GRIK3: variants seen among roughly 807,000 people sequenced by gnomAD.
The protein encoded by GRIK3 is glutamate ionotropic receptor kainate type subunit 3.
Under a neutral mutation model 102.5 loss-of-function variants are expected in GRIK3, and 29 were observed. The observed-to-expected ratio is 0.28, with a 90% CI of 0.21 to 0.39. GRIK3 has a LOEUF of 0.39. GRIK3 is among the 10% of genes least tolerant of loss of function. GRIK3 has a pLI of 1.00. For synonymous variants in GRIK3, 511 were observed against 504.9 expected (o/e 1.01, Z -0.16); for missense variants, 908 against 1,252.4 (o/e 0.73, Z 4.15).
chr1:37,022,656 T>C (rs1479696949), intron 1 of GRIK3, among the ~76,000 whole-genome samples: 1 of 152,236 alleles, frequency 6.6e-6, no homozygotes, highest in African/African-American at 2.4e-5. Flanking sequence ...TGGAAGAATC[T>C]AACAACATCC....
intron 1 of GRIK3, among the ~76,000 whole-genome samples, chr1:36,901,655 C>G (rs147505866): frequency 2.8e-4 from 43 of 152,308 alleles, no homozygotes; most frequent in African/African-American, 1.0e-3. Context: ...CCACTAAAAT[C>G]AGGTACAAGG....
intron 2 of GRIK3, among the ~76,000 whole-genome samples, chr1:36,886,331 C>T (rs556317221): frequency 2.8e-4 from 42 of 152,212 alleles, no homozygotes; most frequent in African/African-American, 1.0e-3. Context: ...AAAGCAATGA[C>T]GAGGACTTCT....
In GRIK3 at chr1:36,956,731, G is replaced by A. The variant is rs576378785; in HGVS notation, c.116-65635C>T. Among the ~76,000 whole-genome samples, 7 of 152,386 alleles carry A rather than the reference G, an allele frequency of 4.6e-5. No homozygotes were observed. In the East Asian group the frequency reaches 1.2e-3, roughly 25 times the overall value. ...GAAATGAGACAAAGGCAGTGGGGAA[G>A]TATGAAGCCAGACTGGCCCCGGGCC... On this transcript the variant is annotated intron_variant, in intron 1 of 15. Coordinates refer to ENST00000373091, the MANE Select transcript of GRIK3 (RefSeq NM_000831.4).
In GRIK3 at chr1:36,879,983, A is replaced by C. The variant is rs147766156; in HGVS notation, c.550+651T>G. Among the ~76,000 whole-genome samples, 1,165 of 152,164 alleles carry C rather than the reference A, an allele frequency of 7.7e-3. 9 individuals carry two copies. Among genetic ancestry groups the C allele is most frequent in the Non-Finnish European group, 0.013 (885 of 67,980 alleles). Reference sequence around the variant, plus strand: ...GGGCACGTGCAGGTGTCTGTGTGTGAGTGTGGGTAGAGAAGAGTGTGTGTG... The same window carrying C: ...GGGCACGTGCAGGTGTCTGTGTGTGCGTGTGGGTAGAGAAGAGTGTGTGTG... On this transcript the variant is annotated intron_variant, in intron 3 of 15. Transcript: ENST00000373091.
intron 2 of GRIK3, among the ~76,000 whole-genome samples, chr1:36,884,821 T>C (rs1342787805): frequency 6.6e-6 from 1 of 152,220 alleles, no homozygotes; most frequent in Non-Finnish European, 1.5e-5. Flanking sequence ...ATTTCCTTCA[T>C]TGATTGATGC....
At chr1:36,896,362 G>T (rs1641172309) in intron 1 of GRIK3, among the ~76,000 whole-genome samples, 1 of 152,090 alleles carries the variant, frequency 6.6e-6, no homozygotes, top group Non-Finnish European at 1.5e-5. Context: ...ATGATATAAG[G>T]ATGGGAGGGA....
intron 1 of GRIK3, among the ~76,000 whole-genome samples, chr1:36,936,325 G>C (rs1376989378): frequency 6.6e-6 from 1 of 152,204 alleles, no homozygotes; most frequent in Non-Finnish European, 1.5e-5. Context: ...AGAGTCACTA[G>C]GAAGAGATGG....
At chr1:36,884,930 G>A (rs535532739) in intron 2 of GRIK3, among the ~76,000 whole-genome samples, 1 of 152,334 alleles carries the variant, frequency 6.6e-6, no homozygotes, top group East Asian at 1.9e-4. Context: ...TTGGACCAAG[G>A]CAAGGGAGAG....
Position 36,806,861 on chromosome 1 carries a change from C to A in GRIK3, c.2092-535G>T, listed in dbSNP as rs1188587144. Among the ~76,000 whole-genome samples the A allele has an allele frequency of 6.6e-6, 1 of 152,178 alleles. No individual in the cohort carries two copies. Among genetic ancestry groups the A allele is most frequent in the African/African-American group, 2.4e-5 (1 of 41,448 alleles). On this transcript the variant is annotated intron_variant, in intron 13 of 15. Transcript: ENST00000373091. The surrounding 1 kb of genome is among the most constrained non-coding windows in gnomAD (Gnocchi z 4.0). ...GTCCATACCCCTAACCCCTCAGCTG[C>A]CCTGCCTCACAGAAACCACTGTGAG...
At chr1:37,010,393 C>T (rs1019816901) in intron 1 of GRIK3, among the ~76,000 whole-genome samples, 2 of 152,136 alleles carry the variant, frequency 1.3e-5, no homozygotes, top group Non-Finnish European at 2.9e-5. Context: ...TTCTGTTCAC[C>T]AGGCCTCTTA....
At chr1:37,002,805 T>C (rs1411584969) in intron 1 of GRIK3, among the ~76,000 whole-genome samples, 1 of 151,630 alleles carries the variant, frequency 6.6e-6, no homozygotes, top group Non-Finnish European at 1.5e-5. Flanking sequence ...CATGCCCAGC[T>C]AATGTTGGTA....
intron 1 of GRIK3, among the ~76,000 whole-genome samples, chr1:37,028,347 G>C (rs1433974279): frequency 3.9e-5 from 6 of 152,026 alleles, no homozygotes; most frequent in Admixed American, 3.3e-4. Context: ...CTCACCCAAG[G>C]GTGAGTCCGT....
chr1:36,990,709 G>C (rs1254530080), intron 1 of GRIK3, among the ~76,000 whole-genome samples: 1 of 152,170 alleles, frequency 6.6e-6, no homozygotes, highest in African/African-American at 2.4e-5. Context: ...GGTGACTATA[G>C]ATGCAGTCAC....
At chr1:36,957,455 G>GAGCCTGTGTGCCCCA (rs1641929310) in intron 1 of GRIK3, among the ~76,000 whole-genome samples, 3 of 31,568 alleles carry the variant, frequency 9.5e-5, no homozygotes, top group Admixed American at 4.3e-4. Flanking sequence ...TCTGTGCCCT[G>GAGCCTGTGTGCCCCA]TGAGCCTATG....
chr1:36,895,571 T>C (rs1308280827), intron 1 of GRIK3, among the ~76,000 whole-genome samples: 1 of 151,910 alleles, frequency 6.6e-6, no homozygotes, highest in Non-Finnish European at 1.5e-5. Context: ...GATATCTCAA[T>C]AGAAACTTCC....
chr1:36,957,900 T>G (rs1290805367), intron 1 of GRIK3, among the ~76,000 whole-genome samples: 13 of 61,712 alleles, frequency 2.1e-4, no homozygotes, highest in South Asian at 7.4e-4. Context: ...CTGTGTGCCC[T>G]GTGAGTCTGT....
chr1:36,905,442 CT>C (rs563297835), intron 1 of GRIK3, among the ~76,000 whole-genome samples: 72 of 144,808 alleles, frequency 5.0e-4, no homozygotes, highest in African/African-American at 6.8e-4. Flanking sequence ...TTGCTTGGTG[CT>C]TTTTTTTTTG....
intron 1 of GRIK3, among the ~76,000 whole-genome samples, chr1:36,958,154 CCT>C (rs778883256): frequency 7.5e-6 from 1 of 132,798 alleles, no homozygotes; most frequent in African/African-American, 2.9e-5. Flanking sequence ...GACTCTGTGC[CCT>C]GAGTCTGTGT....
At position 36,801,848 on chromosome 1, in the gene GRIK3, T is replaced by C. The variant is rs1410519152; in HGVS notation, c.*3A>G. On this transcript the variant is annotated 3_prime_UTR_variant, in exon 16 of 16. Coordinates refer to ENST00000373091, the MANE Select transcript of GRIK3 (RefSeq NM_000831.4). ...AGGCCTGAGGTCCCCACCCCAGCTG[T>C]GCCTAGGGGAACACAGGGGCTAAGG... The C allele has an allele frequency of 1.3e-6, 2 of 1,595,146 alleles. No homozygotes were observed. The highest frequency in any genetic ancestry group is 1.7e-6 in the Non-Finnish European group (2 of 1,169,916).
Sources: gnomAD v4.1 joint callset for allele counts (sites outside exome capture counted in the v4.1 genomes callset) on GRCh38, gnomAD v4.1.1 for gene constraint, Gnocchi (gnomAD v3.1) non-coding constraint, MANE v1.5 for transcripts, NCBI Gene and HGNC (gene_info 2026-07-23, HGNC 2026-07-21) for gene names.